Variants in TENM1 observed in about 807,000 individuals in gnomAD.
TENM1 encodes teneurin-1.
A neutral mutation model predicts 174.8 loss-of-function variants in TENM1; 35 were observed. The observed-to-expected ratio is 0.20, with a 90% CI of 0.15 to 0.27. The LOEUF is 0.27. Among genes scored for constraint, TENM1 ranks in the 10% least tolerant of loss-of-function variants. The pLI, the probability that TENM1 is intolerant of heterozygous loss-of-function variation, is 1.00. For missense variants in TENM1, 1,633 were observed against 2,130.1 expected, an observed-to-expected ratio of 0.77 and a Z score of 4.59; for synonymous variants, 781 against 798.7, an observed-to-expected ratio of 0.98 and a Z score of 0.37.
rs749794602 is a variant in TENM1, at chrX:124,585,863, C to T, written c.2078-20303G>A. Among the ~76,000 whole-genome samples, 7 of 110,578 alleles carry T rather than the reference C, an allele frequency of 6.3e-5. No individual in the cohort carries two copies. The South Asian group carries it at 1.9e-3, about 30-fold the overall frequency. ...AAAATGACAAACGGGATATCACCACCGATCCCACAGAAATACAAACTACCA... is the reference window on the plus strand; with the variant it reads ...AAAATGACAAACGGGATATCACCACTGATCCCACAGAAATACAAACTACCA... On this transcript the variant is annotated intron_variant, in intron 11 of 31. Coordinates refer to ENST00000422452, the Ensembl canonical transcript of TENM1.
At chrX:124,965,202 C>T (rs1440295141), upstream of TENM1, among the ~76,000 whole-genome samples, 5 of 110,969 alleles carry the variant, frequency 4.5e-5, no homozygotes, top group Admixed American at 9.6e-5. Flanking sequence ...CTCAGCCTCC[C>T]GAGTAGCTAG....
chrX:125,113,458 C>T, the TENM1 span, among the ~76,000 whole-genome samples: 1 of 111,164 alleles, frequency 9.0e-6, no homozygotes, highest in African/African-American at 3.3e-5. Context: ...AATTAAAAGA[C>T]AAGGACTGGC....
chrX:124,947,589 T>C (rs143925804), intron 1 of TENM1, among the ~76,000 whole-genome samples: 4 of 112,339 alleles, frequency 3.6e-5, no homozygotes, highest in African/African-American at 1.3e-4. Flanking sequence ...GATGAGCTAT[T>C]ATTGTTCTTT....
At chrX:124,564,342 A>G (rs897862841) in intron 12 of TENM1, among the ~76,000 whole-genome samples, 2 of 112,031 alleles carry the variant, frequency 1.8e-5, no homozygotes, top group African/African-American at 6.5e-5. Context: ...TGTTATATGT[A>G]TTATATATAT....
intron 6 of TENM1, among the ~76,000 whole-genome samples, chrX:124,654,445 A>G (rs777528792): frequency 8.9e-6 from 1 of 112,734 alleles, no homozygotes; most frequent in South Asian, 3.6e-4. Context: ...TAGACGATAC[A>G]TATGTATTCA....
the TENM1 span, among the ~76,000 whole-genome samples, chrX:125,195,708 A>G: frequency 9.0e-6 from 1 of 111,505 alleles, no homozygotes; most frequent in Non-Finnish European, 1.9e-5. Flanking sequence ...GTACATCTAT[A>G]ATAAATACCA....
intron 25 of TENM1, among the ~76,000 whole-genome samples, chrX:124,411,335 G>C (rs1369196103): frequency 9.0e-6 from 1 of 110,584 alleles, no homozygotes; most frequent in Non-Finnish European, 1.9e-5. Context: ...TTGTGTGTGT[G>C]TATGTGTGTG....
chrX:124,382,299 C>T (rs1037094983), intron 31 of TENM1, among the ~76,000 whole-genome samples: 1 of 111,143 alleles, frequency 9.0e-6, no homozygotes, highest in Non-Finnish European at 1.9e-5. Flanking sequence ...GACATCAACC[C>T]CTAAATTATT....
the TENM1 span, among the ~76,000 whole-genome samples, chrX:125,089,341 G>T: frequency 8.9e-6 from 1 of 112,001 alleles, no homozygotes; most frequent in Admixed American, 9.5e-5. Flanking sequence ...CTGGGTTTAA[G>T]ACTATTTATT....
chrX:124,948,323 T>C (rs2058432702), intron 1 of TENM1, among the ~76,000 whole-genome samples: 1 of 111,763 alleles, frequency 8.9e-6, no homozygotes, highest in Admixed American at 9.5e-5. Flanking sequence ...CATCAGGATG[T>C]ATTAGAGGGA....
exon 32 of TENM1, chrX:124,378,704 C>T (rs1035989469): frequency 8.9e-6 from 1 of 112,054 alleles, no homozygotes; most frequent in African/African-American, 3.3e-5. Flanking sequence ...TGTTTGAATA[C>T]ACCCTTCCCT....
chrX:124,950,615 T>C (rs1338138260), intron 1 of TENM1, among the ~76,000 whole-genome samples: 2 of 111,918 alleles, frequency 1.8e-5, no homozygotes, highest in Non-Finnish European at 1.9e-5. Context: ...TTATGTAGAA[T>C]TATAATAATG....
chrX:124,734,522 G>A (rs2053629915), intron 4 of TENM1, among the ~76,000 whole-genome samples: 1 of 111,311 alleles, frequency 9.0e-6, no homozygotes, highest in Non-Finnish European at 1.9e-5. Context: ...TTCTAATTGG[G>A]TTATTGTCAC....
intron 31 of TENM1, among the ~76,000 whole-genome samples, chrX:124,381,557 T>C (rs2060157615): frequency 9.0e-6 from 1 of 111,720 alleles, no homozygotes; most frequent in South Asian, 3.8e-4. Flanking sequence ...ATTGCAGAGC[T>C]GGAAGGCACT....
At chrX:124,526,086 C>T (rs957598964) in intron 16 of TENM1, among the ~76,000 whole-genome samples, 1 of 111,626 alleles carries the variant, frequency 9.0e-6, no homozygotes, top group African/African-American at 3.3e-5. Flanking sequence ...GGTTATAGTT[C>T]TAAGTTATTT....
chrX:124,474,627 T>G (rs746754011), intron 22 of TENM1, among the ~76,000 whole-genome samples: 1 of 112,343 alleles, frequency 8.9e-6, no homozygotes, highest in Non-Finnish European at 1.9e-5. Flanking sequence ...AGGCTAGATG[T>G]AAGTGCCTTC....
intron 3 of TENM1, among the ~76,000 whole-genome samples, chrX:124,826,239 T>C (rs2056157783): frequency 9.1e-6 from 1 of 109,874 alleles, no homozygotes; most frequent in Non-Finnish European, 1.9e-5. Flanking sequence ...GAGAAACCCG[T>C]CTCTATTAAA....
At chrX:125,136,143 T>C in the TENM1 span, among the ~76,000 whole-genome samples, 4 of 111,516 alleles carry the variant, frequency 3.6e-5, no homozygotes, top group African/African-American at 9.8e-5. Flanking sequence ...CTGCTAAAAA[T>C]TGAAGTATGA....
the TENM1 span, among the ~76,000 whole-genome samples, chrX:125,053,091 AAGAC>A: frequency 8.9e-6 from 1 of 112,131 alleles, no homozygotes; most frequent in East Asian, 2.8e-4. Context: ...CTATAACAAA[AAGAC>A]AGAAAGAGAC....
Sources: allele counts gnomAD v4.1 joint callset (sites outside exome capture counted in the v4.1 genomes callset), GRCh38; gene constraint gnomAD v4.1.1; transcripts MANE v1.5; gene names NCBI Gene and HGNC (gene_info 2026-07-23, HGNC 2026-07-21).